ARHGAP42: variants seen among roughly 807,000 people sequenced by gnomAD.
The protein encoded by ARHGAP42 is rho GTPase-activating protein 42.
In ARHGAP42, 63 loss-of-function variants were observed where a neutral mutation model predicts 125.0. The observed-to-expected ratio is 0.50, with a 90% CI of 0.41 to 0.62. The LOEUF is 0.62. Ranked by LOEUF, ARHGAP42 falls within the 20% of genes least tolerant of loss-of-function variation. The pLI is 0.00. For synonymous variants in ARHGAP42, 339 were observed against 351.0 expected, an observed-to-expected ratio of 0.97 and a Z score of 0.38; for missense variants, 766 against 1,024.2, an observed-to-expected ratio of 0.75 and a Z score of 3.44.
At chr11:100,965,856 A>G in intron 17 of ARHGAP42, 80 bp downstream of exon 17, 1 of 1,198,602 alleles carries the variant, frequency 8.3e-7, no homozygotes, top group South Asian at 1.4e-5. Context: ...GTGTGTGATG[A>G]TGTTATAACA....
At chr11:100,789,102 C>T (rs1190790542) in intron 2 of ARHGAP42, among the ~76,000 whole-genome samples, 1 of 152,172 alleles carries the variant, frequency 6.6e-6, no homozygotes, top group East Asian at 1.9e-4. Context: ...TAATGTTTTA[C>T]TACTTGTTTC....
chr11:100,800,574 G>C (rs1043777200), intron 3 of ARHGAP42, among the ~76,000 whole-genome samples: 1 of 152,106 alleles, frequency 6.6e-6, no homozygotes, highest in Non-Finnish European at 1.5e-5. Flanking sequence ...ATGTGTTAGA[G>C]TATCTTATAA....
intron 1 of ARHGAP42, among the ~76,000 whole-genome samples, chr11:100,706,937 A>G (rs1292597659): frequency 6.6e-6 from 1 of 152,190 alleles, no homozygotes; most frequent in Non-Finnish European, 1.5e-5. Context: ...GGAAACTGTT[A>G]CCAATATACT....
chr11:100,875,662 CAGG>C (rs1244803740), intron 4 of ARHGAP42, among the ~76,000 whole-genome samples: 171 of 152,250 alleles, frequency 1.1e-3, no homozygotes, highest in Admixed American at 3.5e-3. Flanking sequence ...GATACCCAGG[CAGG>C]CAACAGAGGT....
chr11:100,947,427 G>C (rs1868056631), intron 10 of ARHGAP42, among the ~76,000 whole-genome samples: 1 of 151,748 alleles, frequency 6.6e-6, no homozygotes, highest in African/African-American at 2.4e-5. Flanking sequence ...ATATAACCTT[G>C]GAGCACTTTA....
intron 2 of ARHGAP42, among the ~76,000 whole-genome samples, chr11:100,779,540 G>GTA (rs112235261): frequency 5.3e-5 from 2 of 37,860 alleles, no homozygotes; most frequent in Non-Finnish European, 1.4e-4. Context: ...GTATATATAC[G>GTA]TATATATATA....
At chr11:100,974,752 C>A in intron 19 of ARHGAP42, 149 bp downstream of exon 19, 1 of 946,924 alleles carries the variant, frequency 1.1e-6, no homozygotes, top group Non-Finnish European at 1.4e-6. Context: ...TATTCTCTGT[C>A]AATAGTTGTA....
rs894173847 is a variant in ARHGAP42, at chr11:100,872,384, G to A, written c.384+12759G>A. Among the ~76,000 whole-genome samples the A allele has an allele frequency of 4.6e-5, 7 of 151,950 alleles. No homozygotes were observed. The South Asian group carries it at 1.2e-3, about 27-fold the overall frequency. On this transcript the variant is annotated intron_variant, in intron 4 of 23. Transcript: ENST00000298815. ...AGTTTTTTTTCTTCCAAATTAATGAGTTTTTGTTGTTGTTGTTGTTGTTTG... is the reference window on the plus strand; with the variant it reads ...AGTTTTTTTTCTTCCAAATTAATGAATTTTTGTTGTTGTTGTTGTTGTTTG...
intron 2 of ARHGAP42, among the ~76,000 whole-genome samples, chr11:100,772,166 G>A (rs1397750344): frequency 1.3e-5 from 2 of 152,158 alleles, no homozygotes; most frequent in African/African-American, 4.8e-5. Flanking sequence ...AGACCTCGCT[G>A]TGAAACAAAA....
At chr11:100,828,094 A>G (rs1332803777) in intron 3 of ARHGAP42, among the ~76,000 whole-genome samples, 1 of 152,190 alleles carries the variant, frequency 6.6e-6, no homozygotes, top group Non-Finnish European at 1.5e-5. Context: ...GGCTCTTAAC[A>G]TTCCAGGGGT....
At chr11:100,822,816 C>G (rs557856947) in intron 3 of ARHGAP42, among the ~76,000 whole-genome samples, 1 of 152,070 alleles carries the variant, frequency 6.6e-6, no homozygotes, top group East Asian at 1.9e-4. Flanking sequence ...TGGGAGACAT[C>G]TTTAGATAAT....
intron 4 of ARHGAP42, among the ~76,000 whole-genome samples, chr11:100,902,132 C>T (rs1008909079): frequency 2.0e-5 from 3 of 152,202 alleles, no homozygotes; most frequent in Non-Finnish European, 4.4e-5. Context: ...GGAATTGGCT[C>T]ATGTGGCTTA....
intron 22 of ARHGAP42, 39 bp from the exon 23 acceptor site, chr11:100,987,474 T>A: frequency 1.4e-6 from 2 of 1,480,602 alleles, no homozygotes; most frequent in Non-Finnish European, 1.8e-6. Context: ...GTCCTTAGGT[T>A]GAGTGTTGAG....
intron 17 of ARHGAP42, among the ~76,000 whole-genome samples, chr11:100,967,065 T>C (rs1280212666): frequency 6.6e-6 from 1 of 152,202 alleles, no homozygotes; most frequent in Non-Finnish European, 1.5e-5. Context: ...GGTCAAGCCC[T>C]GCTCACCGAA....
At chr11:100,837,666 C>CTATTTTTTTTTTTTTTT (rs1555008871) in intron 3 of ARHGAP42, among the ~76,000 whole-genome samples, 13 of 61,042 alleles carry the variant, frequency 2.1e-4, no homozygotes, top group African/African-American at 8.5e-4. Flanking sequence ...AGGTGTCATC[C>CTATTTTTTTTTTTTTTT]TTTTTTTTTT....
chr11:100,732,097 T>C (rs1861969017), intron 1 of ARHGAP42, among the ~76,000 whole-genome samples: 1 of 152,106 alleles, frequency 6.6e-6, no homozygotes, highest in African/African-American at 2.4e-5. Context: ...TAGCTGGGAT[T>C]ACAGGCATAC....
At position 100,943,835 on chromosome 11, in the gene ARHGAP42, A is replaced by G. The variant is rs1229286775; in HGVS notation, c.1010A>G (p.Lys337Arg). 4 of 1,549,588 alleles carry G rather than the reference A, an allele frequency of 2.6e-6. No individual in the cohort carries two copies. In the Admixed American group the frequency reaches 5.9e-5, roughly 23 times the overall value. Residue 337 changes from lysine (K) to arginine (R), a missense_variant, in exon 10 of 24, where the codon AAA becomes AGA. Lys to Arg is a conservative substitution (Grantham distance 26). Around this residue, in one of 3 missense-constraint regions of ARHGAP42, gnomAD observed 455 missense variants for 636.5 expected, o/e 0.71. Coordinates refer to ENST00000298815, the MANE Select transcript of ARHGAP42 (RefSeq NM_152432.4). Reference sequence around the variant, plus strand: ...CGACGAAAGACAGATTCAATTGACAAACGATTCTGCTTTGACATAGAAGTA... The same window carrying G: ...CGACGAAAGACAGATTCAATTGACAGACGATTCTGCTTTGACATAGAAGTA... ...CIRRKTDSID[K>R]RFCFDIEVVE...
chr11:100,881,142 G>T (rs1397319379), intron 4 of ARHGAP42, among the ~76,000 whole-genome samples: 2 of 152,048 alleles, frequency 1.3e-5, no homozygotes, highest in African/African-American at 4.8e-5. Flanking sequence ...TTGGGTTCTT[G>T]GTCATGAAAT....
chr11:100,746,473 T>G (rs1862308280), intron 1 of ARHGAP42, among the ~76,000 whole-genome samples: 1 of 152,262 alleles, frequency 6.6e-6, no homozygotes, highest in Non-Finnish European at 1.5e-5. Flanking sequence ...CGGCCCACCG[T>G]GCACACAAGC....
Sources: gnomAD v4.1 joint callset for allele counts (sites outside exome capture counted in the v4.1 genomes callset) on GRCh38, gnomAD v4.1.1 for gene constraint, gnomAD v4.1.1 regional missense constraint, MANE v1.5 for transcripts, NCBI Gene and HGNC (gene_info 2026-07-23, HGNC 2026-07-21) for gene names.